Variants in TRPM6 observed in about 807,000 individuals in gnomAD.
TRPM6 encodes channel kinase 2.
In TRPM6, 111 loss-of-function variants were observed where a neutral mutation model predicts 247.6. The observed-to-expected ratio is 0.45, with a 90% CI of 0.38 to 0.52. The LOEUF is 0.52. Ranked by LOEUF, TRPM6 falls within the 20% of genes least tolerant of loss-of-function variation. The pLI is 0.00. For synonymous variants in TRPM6, 892 were observed against 853.8 expected (o/e 1.04, Z -0.78); for missense variants, 2,126 against 2,421.5 (o/e 0.88, Z 2.56).
intron 15 of TRPM6, among the ~76,000 whole-genome samples, chr9:74,803,252 G>C (rs1001327977): frequency 1.3e-5 from 2 of 151,980 alleles, no homozygotes; most frequent in Non-Finnish European, 2.9e-5. Context: ...TCAGAGTAAA[G>C]TGGGACTGGA....
At chr9:74,851,377 T>C (rs890988674) in intron 3 of TRPM6, among the ~76,000 whole-genome samples, 6 of 151,838 alleles carry the variant, frequency 4.0e-5, no homozygotes, top group Non-Finnish European at 7.4e-5. Context: ...AAACAAAGAA[T>C]AAAATAAATT....
At position 74,775,050 on chromosome 9, in the gene TRPM6, A is replaced by G. The variant is rs75782652; in HGVS notation, c.3403+833T>C. 8.9e-4 allele frequency among the ~76,000 whole-genome samples: 135 copies of G among 152,360 alleles called. 1 individual carries two copies. In the East Asian group the frequency reaches 0.01, roughly 11 times the overall value. ...CCAATTGTGGAACTGCTTGACAGGA[A>G]CTACAGAATAAAACCACCAAACGCA... is the stretch of plus-strand genomic sequence containing the variant. On this transcript the variant is annotated intron_variant, in intron 24 of 38. Coordinates refer to ENST00000360774, the MANE Select transcript of TRPM6 (RefSeq NM_017662.5).
Position 74,758,461 on chromosome 9 carries a change from A to G in TRPM6, c.4786-2988T>C, listed in dbSNP as rs1826510514. 2.0e-5 allele frequency among the ~76,000 whole-genome samples: 3 copies of G among 152,214 alleles called. No homozygotes were observed. The South Asian group carries it at 6.2e-4, about 31-fold the overall frequency. On this transcript the variant is annotated intron_variant, in intron 27 of 38. Coordinates refer to ENST00000360774, the MANE Select transcript of TRPM6 (RefSeq NM_017662.5). ...GTTTATCCCAGTAAGGTAATTTAAT[A>G]TTCTAAGAATTCTAACATTATAAAA...
intron 27 of TRPM6, among the ~76,000 whole-genome samples, chr9:74,758,853 T>C (rs907567155): frequency 2.0e-5 from 3 of 152,146 alleles, no homozygotes; most frequent in Non-Finnish European, 4.4e-5. Context: ...TCTATGTTTG[T>C]AGATGACATG....
At chr9:74,870,487 T>C (rs1001519739) in intron 1 of TRPM6, among the ~76,000 whole-genome samples, 9 of 152,184 alleles carry the variant, frequency 5.9e-5, no homozygotes, top group African/African-American at 1.7e-4. Context: ...GATAACACTG[T>C]TTTCTTCTGT....
At chr9:74,877,913 A>G (rs1324127368) in intron 1 of TRPM6, among the ~76,000 whole-genome samples, 1 of 151,980 alleles carries the variant, frequency 6.6e-6, no homozygotes, top group African/African-American at 2.4e-5. Flanking sequence ...CAGTGGCTAC[A>G]TGCACCATGA....
intron 27 of TRPM6, among the ~76,000 whole-genome samples, chr9:74,757,428 G>A (rs1263162966): frequency 1.3e-5 from 2 of 151,096 alleles, no homozygotes; most frequent in African/African-American, 4.9e-5. Flanking sequence ...CAGCTGGGCG[G>A]GGTGGCACAG....
chr9:74,854,142 G>C (rs1830451585), intron 3 of TRPM6, among the ~76,000 whole-genome samples: 1 of 152,106 alleles, frequency 6.6e-6, no homozygotes, highest in African/African-American at 2.4e-5. Context: ...TCAGTAACTC[G>C]TATTAGGACA....
intron 14 of TRPM6, 35 bp downstream of exon 14, chr9:74,807,999 C>G: frequency 6.2e-7 from 1 of 1,612,982 alleles, no homozygotes; most frequent in South Asian, 1.1e-5. Flanking sequence ...CCTAATCATT[C>G]TCAATTTTAC....
At chr9:74,764,848 G>T in intron 25 of TRPM6, among the ~76,000 whole-genome samples, 1 of 151,924 alleles carries the variant, frequency 6.6e-6, no homozygotes, top group East Asian at 1.9e-4. Context: ...ATTTATTGAG[G>T]AAAAAAAATT....
chr9:74,863,129 C>T (rs1443007935), intron 1 of TRPM6, among the ~76,000 whole-genome samples: 1 of 151,884 alleles, frequency 6.6e-6, no homozygotes, highest in African/African-American at 2.4e-5. Flanking sequence ...TCACTGCAAC[C>T]TCTGCCTCCC....
At chr9:74,800,841 T>TATAC (rs1167905667) in intron 16 of TRPM6, among the ~76,000 whole-genome samples, 1 of 151,218 alleles carries the variant, frequency 6.6e-6, no homozygotes, top group Non-Finnish European at 1.5e-5. Context: ...GTTTGGGACT[T>TATAC]ATACATAGGC....
intron 7 of TRPM6, among the ~76,000 whole-genome samples, chr9:74,823,116 GGCAA>G (rs1252870390): frequency 6.6e-6 from 1 of 152,098 alleles, no homozygotes; most frequent in Non-Finnish European, 1.5e-5. Context: ...AAGAAAATTT[GGCAA>G]GCAATGCCAC....
intron 16 of TRPM6, among the ~76,000 whole-genome samples, chr9:74,801,275 T>TTTTTTTTTA (rs1491404272): frequency 1.3e-5 from 1 of 75,814 alleles, no homozygotes; most frequent in African/African-American, 6.3e-5. Context: ...TTTTTTTTTT[T>TTTTTTTTTA]ATTGACGGAG....
intron 1 of TRPM6, among the ~76,000 whole-genome samples, chr9:74,869,817 G>A (rs980928132): frequency 1.3e-5 from 2 of 151,486 alleles, no homozygotes; most frequent in African/African-American, 4.9e-5. Context: ...GGGAGGGAAG[G>A]AAGGAAGGAA....
At chr9:74,769,786 C>T (rs796987108) in intron 25 of TRPM6, among the ~76,000 whole-genome samples, 8 of 48,050 alleles carry the variant, frequency 1.7e-4, no homozygotes, top group African/African-American at 9.2e-4. Context: ...GAAGGAAGGA[C>T]GGAAGGAAGG....
chr9:74,825,768 C>T (rs887724222), intron 7 of TRPM6, among the ~76,000 whole-genome samples: 5 of 152,098 alleles, frequency 3.3e-5, no homozygotes, highest in East Asian at 1.9e-4. Flanking sequence ...CAGAACCCCA[C>T]GCAATTTAGG....
chr9:74,887,521 T>TGAACCCCCGACCC lies in TRPM6; in HGVS notation c.33+290_33+302dup, dbSNP rs1445975052. The TGAACCCCCGACCC allele has an allele frequency of 4.1e-6, 5 of 1,205,986 alleles. No individual in the cohort carries two copies. The Admixed American group carries it at 8.0e-5, about 19-fold the overall frequency. The allele number at this position is 1,205,986 out of a possible 1,614,324, so 74.7% of individuals were successfully genotyped here. A position where few individuals can be genotyped will look rare whatever the true frequency, so the allele number is the denominator to read the frequency against. On this transcript the variant is annotated intron_variant, in intron 1 of 38. Transcript: ENST00000360774. ...CGGGGTGTTTCCCACCGCCCCGAGC[T>TGAACCCCCGACCC]GAACCCCCGACCCCCGCTAGGTTTC...
rs1825807360 is a variant in TRPM6, at chr9:74,739,878, C to A, written c.5332G>T (p.Gly1778Cys). 3.1e-6 allele frequency: 5 copies of A among 1,614,108 alleles called. No homozygotes were observed. The highest frequency in any genetic ancestry group is 4.2e-6 in the Non-Finnish European group (5 of 1,180,018). Residue 1778 changes from glycine (G) to cysteine (C), a missense_variant, in exon 34 of 39, where the codon GGC becomes TGC. Coordinates refer to ENST00000360774, the MANE Select transcript of TRPM6 (RefSeq NM_017662.5). Reference sequence around the variant, plus strand: ...ACGACTCTCATAGCTTTACGGAGGCCCCCATCCATCTCCTCTCGGGACAAT... The same window carrying A: ...ACGACTCTCATAGCTTTACGGAGGCACCCATCCATCTCCTCTCGGGACAAT... ...QVLSREEMDGGLRKAMRVVST... is the reference protein window; with the variant it reads ...QVLSREEMDGCLRKAMRVVST...
Sources: allele counts gnomAD v4.1 joint callset (sites outside exome capture counted in the v4.1 genomes callset), GRCh38; gene constraint gnomAD v4.1.1; transcripts MANE v1.5; gene names NCBI Gene and HGNC (gene_info 2026-07-23, HGNC 2026-07-21).